The following CDK12 variants were observed in gnomAD, a reference collection of about 807,000 sequenced individuals.
CDK12 encodes cyclin-dependent kinase 12.
CDK12 carries 17 observed loss-of-function variants against 133.8 expected under a neutral mutation model. The ratio of observed to expected loss-of-function variants is 0.13; its 90% CI spans 0.09 to 0.19. CDK12 has a LOEUF of 0.19. Among genes scored for constraint, CDK12 ranks in the 10% least tolerant of loss-of-function variants. The pLI is 1.00. For synonymous variants in CDK12, 694 were observed against 683.6 expected (o/e 1.02, Z -0.24); for missense variants, 1,508 against 1,818.7 (o/e 0.83, Z 3.11).
At chr17:39,530,455 T>C (rs947115481) in intron 13 of CDK12, 149 bp from the exon 14 acceptor site, 2 of 1,155,844 alleles carry the variant, frequency 1.7e-6, no homozygotes, top group African/African-American at 3.1e-5. Flanking sequence ...GATTTATTTA[T>C]AATTGCAATT....
Position 39,517,525 on chromosome 17 carries a change from T to C in CDK12, c.2932T>C (p.Tyr978His), listed in dbSNP as rs1173459745. The C allele has an allele frequency of 1.2e-6, 2 of 1,609,550 alleles. No individual in the cohort carries two copies. Among genetic ancestry groups the C allele is most frequent in the African/African-American group, 1.3e-5 (1 of 74,972 alleles). The change falls in exon 10 of 14, where the codon TAT becomes CAT. Residue 978 changes from tyrosine to histidine, a missense_variant. Physicochemically the swap from Tyr to His is moderately conservative, Grantham distance 83 (BLOSUM62 2). Around this residue, in one of 9 missense-constraint regions of CDK12, gnomAD observed 82 missense variants for 201.5 expected, o/e 0.41. Transcript: ENST00000447079. ...CAACACCATGAAACCGAAGAAGCAA[T>C]ATCGAAGGCGTCTACGAGAAGAATT... is the stretch of plus-strand genomic sequence containing the variant. ...YFNTMKPKKQ[Y>H]RRRLREEFSF...
At chr17:39,527,408 T>TTC (rs1357995537) in intron 13 of CDK12, among the ~76,000 whole-genome samples, 3 of 152,234 alleles carry the variant, frequency 2.0e-5, no homozygotes, top group African/African-American at 7.2e-5. Context: ...TCACTGTTAA[T>TTC]TAGCACTTCC....
intron 1 of CDK12, among the ~76,000 whole-genome samples, chr17:39,540,470 G>C (rs1393014594): frequency 6.6e-6 from 1 of 152,198 alleles, no homozygotes; most frequent in Non-Finnish European, 1.5e-5. Context: ...AGGCAAGAGG[G>C]AGTCTGTTGC....
chr17:39,511,820 TTTC>T (rs2053522961), intron 8 of CDK12, among the ~76,000 whole-genome samples, 190 bp downstream of exon 8: 1 of 152,110 alleles, frequency 6.6e-6, no homozygotes, highest in Non-Finnish European at 1.5e-5. Flanking sequence ...AAAAAACAGA[TTTC>T]TTCTTTTTTT....
intron 4 of CDK12, among the ~76,000 whole-genome samples, chr17:39,493,879 C>A (rs947632791): frequency 2.0e-5 from 3 of 151,828 alleles, no homozygotes; most frequent in Non-Finnish European, 4.4e-5. Flanking sequence ...GCCTGTAGTC[C>A]CAGCTACTCA....
downstream of CDK12, chr17:39,535,230 G>A: frequency 6.6e-6 from 1 of 152,188 alleles, no homozygotes. Context: ...GCAGAGGGCA[G>A]ATAAAGTCCA....
chr17:39,476,214 A>G (rs571006624), intron 2 of CDK12, among the ~76,000 whole-genome samples: 3 of 151,202 alleles, frequency 2.0e-5, no homozygotes, highest in Non-Finnish European at 1.5e-5. Flanking sequence ...GGTTCAAGCG[A>G]TTCTCCTGTC....
chr17:39,552,836 C>T (rs1346999765), intron 2 of CDK12, among the ~76,000 whole-genome samples: 2 of 152,274 alleles, frequency 1.3e-5, no homozygotes, highest in Admixed American at 1.3e-4. Context: ...TCTAGTGATT[C>T]TCCTGCTTCA....
chr17:39,468,042 C>T (rs1455242695), intron 1 of CDK12, among the ~76,000 whole-genome samples: 2 of 151,768 alleles, frequency 1.3e-5, no homozygotes. Flanking sequence ...TACAGGCGCA[C>T]ACCACCATGC....
intron 2 of CDK12, 126 bp downstream of exon 2, chr17:39,471,889 G>A (rs2049824335): frequency 1.1e-6 from 1 of 872,640 alleles, no homozygotes; most frequent in Non-Finnish European, 1.7e-6. Context: ...TTTTCAGTGG[G>A]AAAGTCTGTA....
At chr17:39,535,927 A>T (rs944529416), downstream of CDK12, among the ~76,000 whole-genome samples, 1 of 152,196 alleles carries the variant, frequency 6.6e-6, no homozygotes. Flanking sequence ...CAACCATTCC[A>T]AGGGAGAGGT....
chr17:39,474,745 A>C (rs1045424151), intron 2 of CDK12, among the ~76,000 whole-genome samples: 3 of 148,408 alleles, frequency 2.0e-5, no homozygotes, highest in African/African-American at 7.5e-5. Flanking sequence ...ATTTTAAGGA[A>C]TGGCTCCATC....
chr17:39,560,588 T>C (rs536083760), intron 3 of CDK12, among the ~76,000 whole-genome samples: 1 of 152,330 alleles, frequency 6.6e-6, no homozygotes, highest in African/African-American at 2.4e-5. Flanking sequence ...GGTGGAGGCC[T>C]TTCTACACTT....
At chr17:39,480,625 G>T (rs912695693) in intron 2 of CDK12, among the ~76,000 whole-genome samples, 1 of 151,538 alleles carries the variant, frequency 6.6e-6, no homozygotes, top group Non-Finnish European at 1.5e-5. Context: ...GTTTCACCAC[G>T]TTGGCCAGGC....
At chr17:39,463,181 G>A in intron 1 of CDK12, 64 bp downstream of exon 1, 1 of 1,426,738 alleles carries the variant, frequency 7.0e-7, no homozygotes, top group Non-Finnish European at 9.7e-7. Flanking sequence ...GGCATTCAGC[G>A]TGTTAACATT....
chr17:39,482,330 A>T (rs1458412698), intron 2 of CDK12, among the ~76,000 whole-genome samples: 3 of 152,002 alleles, frequency 2.0e-5, no homozygotes, highest in Non-Finnish European at 4.4e-5. Flanking sequence ...TTTTTCTAAT[A>T]GCCTTGTTCA....
chr17:39,530,838 C>A lies in CDK12; in HGVS notation c.3995C>A (p.Pro1332His). ...AGACCAATGGAGTACTCCACCCGACCCCGTCCAAACAGGACTTATGGAAAC... is the reference window on the plus strand; with the variant it reads ...AGACCAATGGAGTACTCCACCCGACACCGTCCAAACAGGACTTATGGAAAC... Reference protein sequence around the residue: ...ALRPMEYSTRPRPNRTYGNTD... With the variant: ...ALRPMEYSTRHRPNRTYGNTD... The change falls in exon 14 of 14, where the codon CCC becomes CAC. Residue 1332 changes from proline to histidine, a missense_variant. This residue lies in a region of CDK12 where 399 missense variants were observed against 469.6 expected (regional missense o/e 0.85). Transcript: ENST00000447079. The A allele has an allele frequency of 6.2e-7, 1 of 1,614,206 alleles. No homozygotes were observed. Among genetic ancestry groups the A allele is most frequent in the South Asian group, 1.1e-5 (1 of 91,078 alleles).
chr17:39,492,970 G>A (rs1449994630), intron 4 of CDK12, 80 bp downstream of exon 4: 10 of 1,238,256 alleles, frequency 8.1e-6, no homozygotes, highest in African/African-American at 1.5e-5. Context: ...TTTAGCAAAA[G>A]TAAATTCTGA....
chr17:39,499,972 A>G (rs1598073808), intron 5 of CDK12, among the ~76,000 whole-genome samples: 1 of 152,340 alleles, frequency 6.6e-6, no homozygotes, highest in African/African-American at 2.4e-5. Context: ...ATTTACAGCA[A>G]CAAGCAGCAG....
Sources: allele counts gnomAD v4.1 joint callset (sites outside exome capture counted in the v4.1 genomes callset), GRCh38; gene constraint gnomAD v4.1.1; regional missense constraint gnomAD v4.1.1; transcripts MANE v1.5; gene names NCBI Gene and HGNC (gene_info 2026-07-23, HGNC 2026-07-21).